The following TBCA variants were observed in gnomAD, a reference collection of about 807,000 sequenced individuals.
TBCA encodes the protein tubulin folding cofactor A.
TBCA carries 6 observed loss-of-function variants against 15.8 expected under a neutral mutation model. That is an observed-to-expected ratio of 0.38 (90% CI 0.21 to 0.75). TBCA has a LOEUF of 0.75. Among genes scored for constraint, TBCA ranks in the 30% least tolerant of loss-of-function variants. TBCA has a pLI of 0.46. For synonymous variants in TBCA, 32 were observed against 42.3 expected, an observed-to-expected ratio of 0.76 and a Z score of 0.94; for missense variants, 90 against 131.2, an observed-to-expected ratio of 0.69 and a Z score of 1.53.
chr5:77,769,089 C>T (rs1490927466), intron 1 of TBCA, among the ~76,000 whole-genome samples: 2 of 152,200 alleles, frequency 1.3e-5, no homozygotes, highest in Non-Finnish European at 2.9e-5. Context: ...CTTGAAGAGA[C>T]ATCTGGTTGC....
At chr5:77,707,561 G>C (rs2052343737) in intron 2 of TBCA, among the ~76,000 whole-genome samples, 1 of 152,134 alleles carries the variant, frequency 6.6e-6, no homozygotes, top group African/African-American at 2.4e-5. Flanking sequence ...GGATTGGTAA[G>C]AAATGAGGTT....
intron 1 of TBCA, among the ~76,000 whole-genome samples, chr5:77,760,750 T>A (rs1395770325): frequency 6.6e-6 from 1 of 152,196 alleles, no homozygotes; most frequent in Non-Finnish European, 1.5e-5. Flanking sequence ...TGGAGTGCAG[T>A]GGCATGATCT....
At chr5:77,769,591 C>G (rs1431228352) in intron 1 of TBCA, among the ~76,000 whole-genome samples, 1 of 151,666 alleles carries the variant, frequency 6.6e-6, no homozygotes, top group African/African-American at 2.4e-5. Flanking sequence ...GCATATACAC[C>G]ATACACAGTT....
intron 1 of TBCA, among the ~76,000 whole-genome samples, chr5:77,722,289 T>C (rs1315983824): frequency 2.6e-5 from 4 of 152,088 alleles, no homozygotes; most frequent in African/African-American, 7.2e-5. Context: ...TGACTCTAAC[T>C]TGTATTATGT....
chr5:77,768,648 T>C (rs1329172602), intron 1 of TBCA, among the ~76,000 whole-genome samples: 1 of 152,200 alleles, frequency 6.6e-6, no homozygotes, highest in Non-Finnish European at 1.5e-5. Flanking sequence ...GCCAACACCA[T>C]ACCAGATGAT....
intron 2 of TBCA, among the ~76,000 whole-genome samples, chr5:77,695,079 C>T (rs1024984873): frequency 5.3e-5 from 8 of 152,010 alleles, no homozygotes; most frequent in South Asian, 2.1e-4. Context: ...CCTTCAGAAT[C>T]GTTACAGGAA....
At chr5:77,721,150 C>A (rs1746520737) in intron 1 of TBCA, among the ~76,000 whole-genome samples, 1 of 152,058 alleles carries the variant, frequency 6.6e-6, no homozygotes, top group African/African-American at 2.4e-5. Context: ...TATCAAACTA[C>A]AAAATAAGCC....
intron 1 of TBCA, among the ~76,000 whole-genome samples, chr5:77,720,991 T>C (rs532818224): frequency 1.3e-5 from 2 of 152,354 alleles, no homozygotes; most frequent in Admixed American, 1.3e-4. Context: ...TAGTTGTTTG[T>C]CTAAAACAGA....
intron 1 of TBCA, among the ~76,000 whole-genome samples, chr5:77,745,766 G>T (rs1747172486): frequency 6.6e-6 from 1 of 152,142 alleles, no homozygotes; most frequent in Non-Finnish European, 1.5e-5. Flanking sequence ...CTCAGGCTTA[G>T]GAAAATTTAT....
intron 1 of TBCA, among the ~76,000 whole-genome samples, chr5:77,739,862 A>C (rs1324075258): frequency 6.6e-6 from 1 of 152,216 alleles, no homozygotes; most frequent in Non-Finnish European, 1.5e-5. Context: ...TCAACATTTA[A>C]AATGTATTTC....
At chr5:77,692,973 C>A (rs140626814) in intron 3 of TBCA, 1 of 1,331,196 alleles carries the variant, frequency 7.5e-7, no homozygotes, top group Middle Eastern at 2.8e-4. Context: ...TGTATGAAAA[C>A]CAAATAATCA....
chr5:77,773,421 C>A (rs1235987779), intron 1 of TBCA, among the ~76,000 whole-genome samples: 1 of 152,070 alleles, frequency 6.6e-6, no homozygotes, highest in Non-Finnish European at 1.5e-5. Flanking sequence ...TTAACATTTA[C>A]TACCCACTTG....
At chr5:77,717,861 G>A (rs1746437726) in intron 1 of TBCA, among the ~76,000 whole-genome samples, 1 of 151,480 alleles carries the variant, frequency 6.6e-6, no homozygotes, top group African/African-American at 2.4e-5. Flanking sequence ...CGGGGGCAGT[G>A]GCTTACGCCT....
intron 1 of TBCA, among the ~76,000 whole-genome samples, chr5:77,723,986 A>G (rs545060138): frequency 6.4e-4 from 97 of 152,166 alleles, no homozygotes; most frequent in Admixed American, 3.1e-3. Context: ...AGTTACCCAT[A>G]TGATTTGAAA....
chr5:77,774,218 C>G (rs1348223181), intron 1 of TBCA, among the ~76,000 whole-genome samples: 1 of 152,144 alleles, frequency 6.6e-6, no homozygotes, highest in Non-Finnish European at 1.5e-5. Context: ...ATAGCGGGAT[C>G]TGAAAGAAAT....
intron 1 of TBCA, among the ~76,000 whole-genome samples, chr5:77,720,649 G>GGTTGCAGTGAGCTGAGATCACATC: frequency 6.6e-6 from 1 of 152,270 alleles, no homozygotes; most frequent in East Asian, 1.9e-4. Flanking sequence ...CAGAGGCTGA[G>GGTTGCAGTGAGCTGAGATCACATC]GTTGCAGTGA....
intron 1 of TBCA, among the ~76,000 whole-genome samples, chr5:77,756,364 G>C (rs2112500176): frequency 6.6e-6 from 1 of 150,902 alleles, no homozygotes; most frequent in South Asian, 2.1e-4. Context: ...CAAGTCACAA[G>C]GGGTAAACCC....
intron 1 of TBCA, chr5:77,715,465 G>C (rs1746375749): frequency 2.0e-6 from 1 of 489,326 alleles, no homozygotes; most frequent in African/African-American, 1.9e-5. Context: ...TGAGTAATAA[G>C]GTAGAAGATA....
intron 1 of TBCA, among the ~76,000 whole-genome samples, chr5:77,752,137 TA>T (rs1580128506): frequency 6.6e-6 from 1 of 152,188 alleles, no homozygotes; most frequent in East Asian, 1.9e-4. Context: ...AATTTGTCCT[TA>T]AAGTAGTTAT....
Sources: gnomAD v4.1 joint callset for allele counts (sites outside exome capture counted in the v4.1 genomes callset) on GRCh38, gnomAD v4.1.1 for gene constraint, MANE v1.5 for transcripts, NCBI Gene and HGNC (gene_info 2026-07-23, HGNC 2026-07-21) for gene names.